The following MALRD1 variants were observed in gnomAD, a reference collection of about 807,000 sequenced individuals.
MALRD1 encodes the protein MAM and LDL receptor class A domain containing 1.
A neutral mutation model predicts 242.1 loss-of-function variants in MALRD1; 247 were observed. The ratio of observed to expected loss-of-function variants is 1.02; its 90% CI spans 0.92 to 1.13. The LOEUF (loss-of-function observed/expected upper bound fraction) is 1.13, where lower values mean the gene tolerates loss of function less well. Ranked by LOEUF, MALRD1 falls within the 50% of genes most tolerant of loss-of-function variation. The pLI is 0.00. For missense variants in MALRD1, 2,989 were observed against 2,533.1 expected, an observed-to-expected ratio of 1.18 and a Z score of -3.86; for synonymous variants, 995 against 866.6, an observed-to-expected ratio of 1.15 and a Z score of -2.60.
chr10:19,316,351 G>A (rs1303766376), intron 21 of MALRD1, among the ~76,000 whole-genome samples: 1 of 151,836 alleles, frequency 6.6e-6, no homozygotes, highest in Admixed American at 6.6e-5. Flanking sequence ...AGACTTTCTT[G>A]GTTTCTTCTG....
chr10:19,483,543 T>A (rs1837108198), intron 29 of MALRD1, among the ~76,000 whole-genome samples: 1 of 152,236 alleles, frequency 6.6e-6, no homozygotes, highest in African/African-American at 2.4e-5. Context: ...ATGAAAAATG[T>A]TCCACATCAC....
chr10:19,704,013 G>A (rs1240152512), intron 38 of MALRD1, among the ~76,000 whole-genome samples: 1 of 152,102 alleles, frequency 6.6e-6, no homozygotes, highest in Admixed American at 6.6e-5. Context: ...TTTTTAGACT[G>A]TATCTTTGAC....
At chr10:19,390,229 A>C (rs1447637192) in intron 28 of MALRD1, among the ~76,000 whole-genome samples, 31 of 152,214 alleles carry the variant, frequency 2.0e-4, no homozygotes, top group Admixed American at 2.0e-3. Context: ...AAAAGAAAAT[A>C]AATTATTTGT....
intron 18 of MALRD1, among the ~76,000 whole-genome samples, chr10:19,232,121 A>G (rs552430574): frequency 1.3e-5 from 2 of 152,180 alleles, no homozygotes; most frequent in African/African-American, 4.8e-5. Flanking sequence ...GTCTAAAATC[A>G]GGTCAAAATA....
chr10:19,293,469 C>T (rs1324297520), intron 21 of MALRD1, among the ~76,000 whole-genome samples: 1 of 152,138 alleles, frequency 6.6e-6, no homozygotes, highest in Non-Finnish European at 1.5e-5. Flanking sequence ...CTATTATTTG[C>T]ATTTTCATAT....
intron 38 of MALRD1, among the ~76,000 whole-genome samples, chr10:19,726,114 A>G (rs1007113684): frequency 2.6e-5 from 4 of 152,228 alleles, no homozygotes; most frequent in Non-Finnish European, 5.9e-5. Context: ...GACTTTATCA[A>G]AATCAAAAAC....
chr10:19,502,012 C>CAAAAAAAA lies in MALRD1; in HGVS notation c.5320+3372_5320+3379dup, dbSNP rs1181159875. ...ATTGCACTCCAGCAAGATTCTGTCTCAAAAAAAAAAAAAGAAAAGAAAAGA... is the reference window on the plus strand; with the variant it reads ...ATTGCACTCCAGCAAGATTCTGTCTCAAAAAAAAAAAAAAAAAAAAAGAAAAGAAAAGA... On this transcript the variant is annotated intron_variant, in intron 31 of 39. Transcript: ENST00000454679. Among the ~76,000 whole-genome samples the CAAAAAAAA allele has an allele frequency of 4.8e-3, 195 of 40,352 alleles. 7 individuals carry two copies. The East Asian group carries it at 0.087, about 18-fold the overall frequency. 26.5% of individuals were successfully genotyped at this position (40,352 alleles called of 152,430 possible).
chr10:19,351,909 T>C (rs1844391562), intron 25 of MALRD1, 97 bp from the exon 26 acceptor site: 1 of 1,131,996 alleles, frequency 8.8e-7, no homozygotes, highest in Admixed American at 2.7e-5. Context: ...TCCAGAAATC[T>C]GTTAATAAAG....
chr10:19,489,152 A>G (rs1326976314), intron 29 of MALRD1: 1 of 468,952 alleles, frequency 2.1e-6, no homozygotes, highest in East Asian at 6.8e-5. Flanking sequence ...AAAGCCTAAC[A>G]GGAGGTCAGC....
At chr10:19,433,047 A>T (rs1241993351) in intron 28 of MALRD1, among the ~76,000 whole-genome samples, 1 of 152,228 alleles carries the variant, frequency 6.6e-6, no homozygotes, top group Non-Finnish European at 1.5e-5. Context: ...TTTATTGAAC[A>T]CTTACTATGT....
At chr10:19,620,182 T>C (rs80005143) in intron 36 of MALRD1, among the ~76,000 whole-genome samples, 6,077 of 152,014 alleles carry the variant, frequency 0.04, 372 homozygotes, top group African/African-American at 0.13. Context: ...TTTTTACTTA[T>C]TTATTAACTT....
chr10:19,119,768 C>G (rs1426967133), intron 5 of MALRD1, among the ~76,000 whole-genome samples: 1 of 152,130 alleles, frequency 6.6e-6, no homozygotes, highest in Non-Finnish European at 1.5e-5. Context: ...AGTCCCCAGA[C>G]AAGAAAGAGG....
chr10:19,393,882 A>G (rs896097166), intron 28 of MALRD1, among the ~76,000 whole-genome samples: 1 of 152,172 alleles, frequency 6.6e-6, no homozygotes, highest in Non-Finnish European at 1.5e-5. Context: ...TCTAGCCTCT[A>G]CAAGAAACAA....
At chr10:19,614,065 G>A (rs375602244) in intron 35 of MALRD1, among the ~76,000 whole-genome samples, 1 of 151,904 alleles carries the variant, frequency 6.6e-6, no homozygotes, top group East Asian at 1.9e-4. Context: ...GACAGTAGGA[G>A]CAGGAACCAT....
At chr10:19,482,300 G>C (rs540914717) in intron 29 of MALRD1, among the ~76,000 whole-genome samples, 37 of 151,862 alleles carry the variant, frequency 2.4e-4, no homozygotes, top group African/African-American at 8.2e-4. Flanking sequence ...CATAAAAACT[G>C]TCCAAAGATA....
chr10:19,083,943 GA>G (rs754076975), intron 2 of MALRD1, among the ~76,000 whole-genome samples: 4 of 151,928 alleles, frequency 2.6e-5, no homozygotes, highest in Non-Finnish European at 5.9e-5. Flanking sequence ...TTTTGTGGGG[GA>G]AAAAGTTTCA....
chr10:19,437,757 C>G (rs76355037), intron 28 of MALRD1, among the ~76,000 whole-genome samples: 10,969 of 152,158 alleles, frequency 0.072, 519 homozygotes, highest in Non-Finnish European at 0.12. Context: ...CCTTCAGAGC[C>G]TAGAGGCCCA....
intron 33 of MALRD1, among the ~76,000 whole-genome samples, chr10:19,574,297 G>A (rs1482624654): frequency 6.6e-6 from 1 of 152,142 alleles, no homozygotes; most frequent in Non-Finnish European, 1.5e-5. Flanking sequence ...CTATATGCCT[G>A]GATGAGTTCC....
At chr10:19,209,736 A>G in intron 18 of MALRD1, 56 bp downstream of exon 18, 1 of 1,419,406 alleles carries the variant, frequency 7.0e-7, no homozygotes, top group Non-Finnish European at 9.4e-7. Flanking sequence ...TGTCTAAGGA[A>G]TATGAAAGAT....
Sources: allele counts gnomAD v4.1 joint callset (sites outside exome capture counted in the v4.1 genomes callset), GRCh38; gene constraint gnomAD v4.1.1; transcripts MANE v1.5; gene names NCBI Gene and HGNC (gene_info 2026-07-23, HGNC 2026-07-21).